BST1: variants seen among roughly 807,000 people sequenced by gnomAD.
The protein encoded by BST1 is bone marrow stromal cell antigen 1.
Under a neutral mutation model 40.6 loss-of-function variants are expected in BST1, and 49 were observed. The observed-to-expected ratio is 1.21, with a 90% CI of 0.96 to 1.53. BST1 has a LOEUF of 1.53. BST1 is among the 40% of genes most tolerant of loss of function. BST1 has a pLI of 0.00. For synonymous variants in BST1, 157 were observed against 159.3 expected (o/e 0.99, Z 0.11); for missense variants, 423 against 395.9 (o/e 1.07, Z -0.58).
At chr4:15,744,189 T>C in the BST1 span, among the ~76,000 whole-genome samples, 1 of 152,184 alleles carries the variant, frequency 6.6e-6, no homozygotes, top group South Asian at 2.1e-4. Flanking sequence ...GCCTACAGAT[T>C]CCTTTCCCTG....
the BST1 span, among the ~76,000 whole-genome samples, chr4:15,758,936 G>A: frequency 2.0e-5 from 3 of 151,966 alleles, no homozygotes; most frequent in Non-Finnish European, 4.4e-5. Flanking sequence ...ACTGCAGGTG[G>A]ATTACGGAGC....
At chr4:15,763,451 C>T in the BST1 span, among the ~76,000 whole-genome samples, 4 of 151,460 alleles carry the variant, frequency 2.6e-5, no homozygotes, top group Non-Finnish European at 5.9e-5. Context: ...TTTCTTTGTA[C>T]GCTTCTTATT....
chr4:15,720,030 G>A (rs543284408), intron 7 of BST1, among the ~76,000 whole-genome samples: 1 of 152,284 alleles, frequency 6.6e-6, no homozygotes, highest in South Asian at 2.1e-4. Flanking sequence ...GAGTACACAG[G>A]TGGATGAAGT....
At chr4:15,735,943 A>C, downstream of BST1, 1 of 527,692 alleles carries the variant, frequency 1.9e-6, no homozygotes, top group Non-Finnish European at 2.9e-6. Flanking sequence ...CTTGAAAAAA[A>C]TCTACACAAT....
chr4:15,763,525 T>G, the BST1 span, among the ~76,000 whole-genome samples: 3 of 151,964 alleles, frequency 2.0e-5, no homozygotes, highest in Admixed American at 6.5e-5. Context: ...GTAGAGCTTA[T>G]TACTTTTTAC....
intron 1 of BST1, among the ~76,000 whole-genome samples, chr4:15,703,848 G>A (rs1293488852): frequency 6.9e-6 from 1 of 145,096 alleles, no homozygotes; most frequent in East Asian, 2.2e-4. Flanking sequence ...GTGTGTTCTA[G>A]AGGTGAGGGG....
intron 2 of BST1, among the ~76,000 whole-genome samples, chr4:15,706,371 A>T (rs1471449672): frequency 6.6e-6 from 1 of 152,226 alleles, no homozygotes; most frequent in Non-Finnish European, 1.5e-5. Flanking sequence ...CTGAACCTTG[A>T]GTAATTCAGA....
At chr4:15,762,261 A>G in the BST1 span, among the ~76,000 whole-genome samples, 2 of 149,780 alleles carry the variant, frequency 1.3e-5, no homozygotes, top group Middle Eastern at 3.2e-3. Flanking sequence ...ATGTGTGTGT[A>G]TGTATGTATA....
At chr4:15,728,945 C>T (rs1036254474) in intron 8 of BST1, among the ~76,000 whole-genome samples, 2 of 151,972 alleles carry the variant, frequency 1.3e-5, no homozygotes, top group African/African-American at 4.8e-5. Flanking sequence ...CATGCTCAGC[C>T]AAGTAACTGA....
chr4:15,738,133 A>G (rs1172273822), exon 7 of BST1: 1 of 217,050 alleles, frequency 4.6e-6, no homozygotes, highest in Non-Finnish European at 9.5e-6. Flanking sequence ...ATGATGTTTC[A>G]ATGTCGGTTC....
intron 3 of BST1, among the ~76,000 whole-genome samples, chr4:15,707,870 TATATACACATATATATACAC>T (rs1460927667): frequency 6.8e-6 from 1 of 146,470 alleles, no homozygotes; most frequent in Admixed American, 6.8e-5. Flanking sequence ...TATATATATA[TATATACACATATATATACAC>T]ATATATATAC....
chr4:15,706,531 A>G (rs1349728476), intron 2 of BST1, among the ~76,000 whole-genome samples: 2 of 152,234 alleles, frequency 1.3e-5, no homozygotes, highest in African/African-American at 4.8e-5. Flanking sequence ...AAATAATGAG[A>G]AAATTTCCAT....
At chr4:15,753,720 G>A in the BST1 span, among the ~76,000 whole-genome samples, 1 of 152,374 alleles carries the variant, frequency 6.6e-6, no homozygotes, top group East Asian at 1.9e-4. Flanking sequence ...GTCCAAATCG[G>A]TCAGGGCCCA....
At position 15,732,104 on chromosome 4, in the gene BST1, T is replaced by G; in HGVS notation, c.*259T>G. ...CTTATTTGTATAATGACACAAAGCATTGGGAGTCAGACTGCTTGTATATTA... is the reference window on the plus strand; with the variant it reads ...CTTATTTGTATAATGACACAAAGCAGTGGGAGTCAGACTGCTTGTATATTA... On this transcript the variant is annotated 3_prime_UTR_variant, in exon 9 of 9. Coordinates refer to ENST00000265016, the MANE Select transcript of BST1 (RefSeq NM_004334.3). 2 of 1,208,612 alleles carry G rather than the reference T, an allele frequency of 1.7e-6. No homozygotes were observed. Among genetic ancestry groups the G allele is most frequent in the South Asian group, 2.4e-5 (1 of 41,148 alleles). The allele number at this position is 1,208,612 out of a possible 1,614,324, so 74.9% of individuals were successfully genotyped here. A position where few individuals can be genotyped will look rare whatever the true frequency, so the allele number is the denominator to read the frequency against.
At chr4:15,751,943 G>T in the BST1 span, among the ~76,000 whole-genome samples, 1 of 152,036 alleles carries the variant, frequency 6.6e-6, no homozygotes, top group East Asian at 1.9e-4. Context: ...GTGGGAACGT[G>T]GCTCGTATAA....
At position 15,731,844 on chromosome 4, in the gene BST1, A is replaced by G. The variant is rs1721390330; in HGVS notation, c.956A>G (p.Ter319=). The change falls in exon 9 of 9, where the codon TAA becomes TGA. Residue 319 remains the stop codon, a stop_retained_variant. Coordinates refer to ENST00000265016, the MANE Select transcript of BST1 (RefSeq NM_004334.3). The part of the protein sequence containing the change: ...FLVLASRTQL[*] ...GTGCTGGCTTCCAGGACTCAACTGT[A>G]ACTGGAAACTGTGTTGCTCTAACCC... 1 of 1,612,112 alleles carries G rather than the reference A, an allele frequency of 6.2e-7. No homozygotes were observed. Among genetic ancestry groups the G allele is most frequent in the African/African-American group, 1.3e-5 (1 of 74,986 alleles).
intron 8 of BST1, chr4:15,731,003 A>C: frequency 1.7e-6 from 1 of 593,256 alleles, no homozygotes. Context: ...CTCTCGATAT[A>C]TAAGGCCCGG....
the BST1 span, chr4:15,743,403 G>C: frequency 9.1e-4 from 257 of 282,800 alleles, 1 homozygote; most frequent in African/African-American, 5.2e-3. Flanking sequence ...TATGTATGAA[G>C]ATGAAGAATG....
At chr4:15,773,855 A>G in the BST1 span, among the ~76,000 whole-genome samples, 1 of 152,168 alleles carries the variant, frequency 6.6e-6, no homozygotes, top group Non-Finnish European at 1.5e-5. Flanking sequence ...AACAACCCAT[A>G]AAAACCAAAA....
Sources: gnomAD v4.1 joint callset for allele counts (sites outside exome capture counted in the v4.1 genomes callset) on GRCh38, gnomAD v4.1.1 for gene constraint, MANE v1.5 for transcripts, NCBI Gene and HGNC (gene_info 2026-07-23, HGNC 2026-07-21) for gene names.